ACAN: variants seen among roughly 807,000 people sequenced by gnomAD.
ACAN encodes the protein aggrecan.
Under a neutral mutation model 169.1 loss-of-function variants are expected in ACAN, and 47 were observed. The observed-to-expected ratio is 0.28, with a 90% CI of 0.22 to 0.35. The LOEUF is 0.35. Ranked by LOEUF, ACAN falls within the 10% of genes least tolerant of loss-of-function variation. The pLI, the probability that ACAN is intolerant of heterozygous loss-of-function variation, is 1.00. For missense variants in ACAN, 2,716 were observed against 2,759.9 expected (o/e 0.98, Z 0.36); for synonymous variants, 1,115 against 1,112.2 (o/e 1.00, Z -0.05).
chr15:88,810,412 A>G (rs1486140931), intron 1 of ACAN, among the ~76,000 whole-genome samples: 2 of 151,802 alleles, frequency 1.3e-5, no homozygotes, highest in African/African-American at 4.8e-5. Flanking sequence ...TCAGCCTCCC[A>G]TCTCCCTCAG....
rs2141582796 is a variant in ACAN, at chr15:88,845,867, C to T, written c.1414C>T (p.Pro472Ser). ...VVQVTAVPGQ[P>S]HLPGGVVFHY... ...GCAGGTGACCGCTGTCCCTGGGCAG[C>T]CGCATTTGCCAGGGGGTAAGTAGCT... Residue 472 changes from proline to serine, a missense_variant, in exon 7 of 19, where the codon CCG becomes TCG. Pro to Ser is a moderately conservative substitution (Grantham distance 74). Transcript: ENST00000560601. 6.9e-7 allele frequency: 1 copy of T among 1,453,548 alleles called. No individual in the cohort carries two copies. The highest frequency in any genetic ancestry group is 2.5e-5 in the East Asian group (1 of 39,972). The allele number at this position is 1,453,548 out of a possible 1,614,324, so 90.0% of individuals were successfully genotyped here. A position where few individuals can be genotyped will look rare whatever the true frequency, so the allele number is the denominator to read the frequency against.
In ACAN at chr15:88,838,919, C is replaced by T; in HGVS notation, c.327C>T (p.Tyr109=). 1 of 1,614,012 alleles carries T rather than the reference C, an allele frequency of 6.2e-7. No individual in the cohort carries two copies. Among genetic ancestry groups the T allele is most frequent in the Non-Finnish European group, 8.5e-7 (1 of 1,179,902 alleles). The change falls in exon 3 of 19, where the codon TAC becomes TAT. Residue 109 remains tyrosine (Y), a synonymous_variant. Coordinates refer to ENST00000560601, the MANE Select transcript of ACAN (RefSeq NM_001369268.1). This position sits in a 1 kb window ranked among gnomAD's most constrained non-coding sequence, Gnocchi z 5.1. The part of the protein sequence containing the change: ...AYQDKVSLPN[Y]PAIPSDATLE... ...AGGACAAGGTCTCACTGCCCAACTA[C>T]CCGGCCATCCCCAGTGACGCCACCT...
chr15:88,865,992 G>A (rs1897274352), intron 13 of ACAN, among the ~76,000 whole-genome samples: 1 of 151,856 alleles, frequency 6.6e-6, no homozygotes, highest in Admixed American at 6.6e-5. Flanking sequence ...CTCCTCATCT[G>A]TAAATCCAGG....
intron 1 of ACAN, among the ~76,000 whole-genome samples, chr15:88,811,836 G>A (rs1040556810): frequency 1.3e-5 from 2 of 152,084 alleles, no homozygotes; most frequent in African/African-American, 4.8e-5. Flanking sequence ...TGTCTCTGTC[G>A]CCTGACTTCA....
At chr15:88,828,656 T>C (rs7180356) in intron 1 of ACAN, among the ~76,000 whole-genome samples, 102,728 of 152,066 alleles carry the variant, frequency 0.68, 35,268 homozygotes, top group Middle Eastern at 0.74. Flanking sequence ...TCCCTGGCCA[T>C]GAGGGAGGCT....
Position 88,857,873 on chromosome 15 carries a change from C to T in ACAN, c.5288C>T (p.Pro1763Leu). Residue 1763 changes from proline (P) to leucine (L), a missense_variant, in exon 12 of 19, where the codon CCA becomes CTA. Pro to Leu is a moderately conservative substitution (Grantham distance 98). Around this residue, in one of 3 missense-constraint regions of ACAN, gnomAD observed 1,389 missense variants for 1,363.7 expected, o/e 1.02. Coordinates refer to ENST00000560601, the MANE Select transcript of ACAN (RefSeq NM_001369268.1). ...TELSGLSSGQPGISGEASGVL... is the reference protein window; with the variant it reads ...TELSGLSSGQLGISGEASGVL... The stretch of plus-strand genomic sequence containing the variant: ...CTTAGCGGGCTGTCCTCTGGACAAC[C>T]AGGTATTAGTGGAGAAGCATCTGGA... The T allele has an allele frequency of 1.9e-6, 3 of 1,613,656 alleles. No homozygotes were observed. Among genetic ancestry groups the T allele is most frequent in the Non-Finnish European group, 2.5e-6 (3 of 1,179,790 alleles).
In ACAN at chr15:88,858,511, G is replaced by A. The variant is rs1307927091; in HGVS notation, c.5926G>A (p.Gly1976Arg). 2.2e-5 allele frequency: 35 copies of A among 1,613,664 alleles called. No individual in the cohort carries two copies. In the Admixed American group the frequency reaches 5.8e-4, roughly 27 times the overall value. Reference protein sequence around the residue: ...GAHSGAPDMSGEHSGFLDLSG... With the variant: ...GAHSGAPDMSREHSGFLDLSG... ...TCATTCTGGAGCACCAGACATGTCT[G>A]GGGAGCATTCTGGATTTCTGGACCT... is the stretch of plus-strand genomic sequence containing the variant. Residue 1976 changes from glycine to arginine, a missense_variant, in exon 12 of 19, where the codon GGG (glycine) becomes AGG (arginine). Physicochemically the swap from Gly to Arg is moderately radical, Grantham distance 125. Coordinates refer to ENST00000560601, the MANE Select transcript of ACAN (RefSeq NM_001369268.1). The surrounding 1 kb of genome is among the most constrained non-coding windows in gnomAD (Gnocchi z 4.0).
intron 1 of ACAN, among the ~76,000 whole-genome samples, chr15:88,833,032 G>A (rs1896403852): frequency 6.6e-6 from 1 of 152,208 alleles, no homozygotes; most frequent in Non-Finnish European, 1.5e-5. Flanking sequence ...ACGTCGAGGA[G>A]GGGTCTCCAC....
chr15:88,833,370 C>A (rs1180765629), intron 1 of ACAN, among the ~76,000 whole-genome samples: 1 of 152,164 alleles, frequency 6.6e-6, no homozygotes, highest in Non-Finnish European at 1.5e-5. Context: ...CCTTCCTGCT[C>A]CCCAAGCTCC....
chr15:88,862,585 C>T (rs1377001862), intron 13 of ACAN, among the ~76,000 whole-genome samples: 2 of 152,234 alleles, frequency 1.3e-5, no homozygotes, highest in Non-Finnish European at 2.9e-5. Flanking sequence ...TCCCAGGTCA[C>T]TCTTGTTCAA....
intron 13 of ACAN, among the ~76,000 whole-genome samples, chr15:88,865,000 C>G (rs4147339): frequency 0.034 from 5,240 of 152,260 alleles, 228 homozygotes; most frequent in East Asian, 0.13. Context: ...TAGGCAAAAG[C>G]TGGACAAGAT....
At position 88,871,453 on chromosome 15, in the gene ACAN, A is replaced by G. The variant is rs369624139; in HGVS notation, c.7132A>G (p.Thr2378Ala). ...HCYRHFPDRE[T>A]WVDAERRCRE... ...TTACCGCCACTTCCCGGACCGCGAG[A>G]CCTGGGTGGATGCTGAGCGCCGGTG... The change falls in exon 15 of 19, where the codon ACC becomes GCC. Residue 2378 changes from threonine (T) to alanine (A), a missense_variant. Transcript: ENST00000560601. The surrounding 1 kb of genome is among the most constrained non-coding windows in gnomAD (Gnocchi z 7.8). The G allele has an allele frequency of 6.2e-7, 1 of 1,613,906 alleles. No individual in the cohort carries two copies. Among genetic ancestry groups the G allele is most frequent in the Admixed American group, 1.7e-5 (1 of 60,012 alleles).
At position 88,874,379 on chromosome 15, in the gene ACAN, A is replaced by G. The variant is rs764174122; in HGVS notation, c.7631-26A>G. The G allele has an allele frequency of 6.4e-7, 1 of 1,573,346 alleles. No homozygotes were observed. Among genetic ancestry groups the G allele is most frequent in the Admixed American group, 1.8e-5 (1 of 55,018 alleles). On this transcript the variant is annotated intron_variant, in intron 18 of 18. Coordinates refer to ENST00000560601, the MANE Select transcript of ACAN (RefSeq NM_001369268.1). The surrounding 1 kb of genome is among the most constrained non-coding windows in gnomAD (Gnocchi z 7.3). Reference sequence around the variant, plus strand: ...CCACTTTCTTTCCAGGTCCACTGATATCTTTCCATCTCCCTTTCGTCCTAG... The same window carrying G: ...CCACTTTCTTTCCAGGTCCACTGATGTCTTTCCATCTCCCTTTCGTCCTAG...
At chr15:88,829,591 G>C (rs933716718) in intron 1 of ACAN, among the ~76,000 whole-genome samples, 1 of 152,206 alleles carries the variant, frequency 6.6e-6, no homozygotes, top group Non-Finnish European at 1.5e-5. Flanking sequence ...TTGTTCATGA[G>C]CGAGTGACAA....
rs376225697 is a variant in ACAN at position 88,858,077 on chromosome 15, T to A, written c.5492T>A (p.Phe1831Tyr). ...AGCGGTGAATCTTCTGGGATTACAT[T>A]TGTGGACACCAGTTTGGTTGAAGTG... ...SGSGESSGIT[F>Y]VDTSLVEVAP... is the part of the protein sequence containing the mutation. The change falls in exon 12 of 19, where the codon TTT becomes TAT. Residue 1831 changes from phenylalanine to tyrosine, a missense_variant. By Grantham distance (22) the Phe-to-Tyr change is conservative (BLOSUM62 3). Around this residue, in one of 3 missense-constraint regions of ACAN, gnomAD observed 1,389 missense variants for 1,363.7 expected, o/e 1.02. Coordinates refer to ENST00000560601, the MANE Select transcript of ACAN (RefSeq NM_001369268.1). This position sits in a 1 kb window ranked among gnomAD's most constrained non-coding sequence, Gnocchi z 4.0. 39 of 1,613,812 alleles carry A rather than the reference T, an allele frequency of 2.4e-5. No individual in the cohort carries two copies. The African/African-American group carries it at 4.7e-4, about 19-fold the overall frequency.
chr15:88,822,421 C>T (rs1896099863), intron 1 of ACAN, among the ~76,000 whole-genome samples: 1 of 152,038 alleles, frequency 6.6e-6, no homozygotes, highest in Non-Finnish European at 1.5e-5. Flanking sequence ...GTGTCCATAG[C>T]TTCCATCAGC....
In ACAN at chr15:88,840,158, G is replaced by A. The variant is rs568955745; in HGVS notation, c.601G>A (p.Ala201Thr). The change falls in exon 4 of 19, where the codon GCC becomes ACC. Residue 201 changes from alanine (A) to threonine (T), a missense_variant. Transcript: ENST00000560601. ...AYEDGFHQCDAGWLADQTVRY... is the reference protein window; with the variant it reads ...AYEDGFHQCDTGWLADQTVRY... ...CGAAGACGGCTTCCACCAGTGTGAC[G>A]CCGGCTGGCTGGCTGACCAGACTGT... 9 of 1,603,504 alleles carry A rather than the reference G, an allele frequency of 5.6e-6. No individual in the cohort carries two copies. In the African/African-American group the frequency reaches 6.7e-5, roughly 12 times the overall value.
At chr15:88,832,066 C>T (rs1896378356) in intron 1 of ACAN, among the ~76,000 whole-genome samples, 1 of 152,052 alleles carries the variant, frequency 6.6e-6, no homozygotes, top group Non-Finnish European at 1.5e-5. Context: ...GCTGCTCAGC[C>T]AAGGAATGGG....
At position 88,843,528 on chromosome 15, in the gene ACAN, A is replaced by G; in HGVS notation, c.931A>G (p.Ile311Val). Residue 311 changes from isoleucine (I) to valine (V), a missense_variant, in exon 6 of 19, where the codon ATC becomes GTC. Ile to Val is a conservative substitution (Grantham distance 29). Around this residue, in one of 3 missense-constraint regions of ACAN, gnomAD observed 1,283 missense variants for 1,281.5 expected, o/e 1.00. Coordinates refer to ENST00000560601, the MANE Select transcript of ACAN (RefSeq NM_001369268.1). This position sits in a 1 kb window ranked among gnomAD's most constrained non-coding sequence, Gnocchi z 4.0. ...GGCCGACCGCAGCGTGCGCTACCCC[A>G]TCTCCAAGGCCCGGCCCAACTGCGG... ...WLADRSVRYP[I>V]SKARPNCGGN... 1.2e-6 allele frequency: 2 copies of G among 1,612,648 alleles called. No homozygotes were observed. The highest frequency in any genetic ancestry group is 1.7e-6 in the Non-Finnish European group (2 of 1,179,686).
Sources: gnomAD v4.1 joint callset for allele counts (sites outside exome capture counted in the v4.1 genomes callset) on GRCh38, gnomAD v4.1.1 for gene constraint, gnomAD v4.1.1 regional missense constraint, Gnocchi (gnomAD v3.1) non-coding constraint, MANE v1.5 for transcripts, NCBI Gene and HGNC (gene_info 2026-07-23, HGNC 2026-07-21) for gene names.